The following MAP3K14 variants were observed in gnomAD, a reference collection of about 807,000 sequenced individuals.
MAP3K14 encodes the protein NF-kappa-beta-inducing kinase.
A neutral mutation model predicts 99.2 loss-of-function variants in MAP3K14; 16 were observed. The observed-to-expected ratio is 0.16, with a 90% CI of 0.11 to 0.24. The LOEUF (loss-of-function observed/expected upper bound fraction) is 0.24, where lower values mean the gene tolerates loss of function less well. MAP3K14 is among the 10% of genes least tolerant of loss of function. The probability of loss-of-function intolerance (pLI) is 1.00; values close to 1 mark genes in which losing one functional copy is unlikely to be tolerated. For missense variants in MAP3K14, 784 were observed against 1,208.7 expected (o/e 0.65, Z 5.21); for synonymous variants, 462 against 492.4 (o/e 0.94, Z 0.82).
Position 45,273,425 on chromosome 17 carries a change from A to G in MAP3K14, c.1657+78T>C, listed in dbSNP as rs889201775. On this transcript the variant is annotated intron_variant, in intron 9 of 15. Transcript: ENST00000344686. ...GGTGGACCTAAGTGTTCACACCTCA[A>G]TTCCCATTCTGGAAAGCATGGAAGG... 3.5e-6 allele frequency: 4 copies of G among 1,135,358 alleles called. No individual in the cohort carries two copies. The African/African-American group carries it at 4.6e-5, about 13-fold the overall frequency. The allele number at this position is 1,135,358 out of a possible 1,614,324, so 70.3% of individuals were successfully genotyped here. A position where few individuals can be genotyped will look rare whatever the true frequency, so the allele number is the denominator to read the frequency against.
chr17:45,275,563 G>A (rs2044173581), intron 6 of MAP3K14, among the ~76,000 whole-genome samples: 1 of 151,342 alleles, frequency 6.6e-6, no homozygotes, highest in Admixed American at 6.6e-5. Flanking sequence ...CCTGGCTGCT[G>A]GCACGCTGTC....
intron 1 of MAP3K14, among the ~76,000 whole-genome samples, chr17:45,294,295 T>C (rs1310814437): frequency 6.6e-6 from 1 of 152,350 alleles, no homozygotes; most frequent in Admixed American, 6.5e-5. Flanking sequence ...TGAGGCCTGA[T>C]GCACAGACAC....
chr17:45,275,465 A>G (rs1316126128), intron 6 of MAP3K14, among the ~76,000 whole-genome samples: 1 of 141,090 alleles, frequency 7.1e-6, no homozygotes, highest in Non-Finnish European at 1.5e-5. Context: ...GTCTGGCGAC[A>G]GAGTGAGACT....
At chr17:45,283,626 G>A (rs968099198) in intron 6 of MAP3K14, among the ~76,000 whole-genome samples, 1 of 152,178 alleles carries the variant, frequency 6.6e-6, no homozygotes, top group East Asian at 1.9e-4. Flanking sequence ...TTTGTGCTCT[G>A]GCTACAGTGA....
intron 1 of MAP3K14, among the ~76,000 whole-genome samples, chr17:45,294,146 C>T (rs1019149246): frequency 2.0e-5 from 3 of 152,250 alleles, no homozygotes; most frequent in Non-Finnish European, 4.4e-5. Flanking sequence ...TATTCACGCC[C>T]CAAAGGCATT....
chr17:45,316,455 T>C (rs2044533701), intron 1 of MAP3K14, among the ~76,000 whole-genome samples: 1 of 152,216 alleles, frequency 6.6e-6, no homozygotes, highest in South Asian at 2.1e-4. Context: ...ACTGCCCCGC[T>C]GCATGCTGAG....
chr17:45,301,734 C>G (rs568389871), intron 1 of MAP3K14, among the ~76,000 whole-genome samples: 1 of 151,828 alleles, frequency 6.6e-6, no homozygotes, highest in South Asian at 2.1e-4. Context: ...AGCAATGGTT[C>G]TCTTTTGGTG....
In MAP3K14 at chr17:45,270,462, G is replaced by A. The variant is rs753251206; in HGVS notation, c.1923C>T (p.Arg641=). The change falls in exon 11 of 16, where the codon CGC becomes CGT. Residue 641 remains arginine (R), a synonymous_variant. Coordinates refer to ENST00000344686, the MANE Select transcript of MAP3K14 (RefSeq NM_003954.5). ...TCCCTCCCAGCTCCGCTGCAGACACGCGGTGGATGGGCTCTTTCCTCAGCC... is the reference window on the plus strand; with the variant it reads ...TCCCTCCCAGCTCCGCTGCAGACACACGGTGGATGGGCTCTTTCCTCAGCC... ...QEGLRKEPIH[R]VSAAELGGKV... 34 of 1,612,026 alleles carry A rather than the reference G, an allele frequency of 2.1e-5. No individual in the cohort carries two copies. Among genetic ancestry groups the A allele is most frequent in the East Asian group, 8.9e-5 (4 of 44,760 alleles).
chr17:45,304,786 C>T (rs1406022316), intron 1 of MAP3K14, among the ~76,000 whole-genome samples: 3 of 152,180 alleles, frequency 2.0e-5, no homozygotes, highest in Non-Finnish European at 2.9e-5. Context: ...GACAGGATGG[C>T]CTTGGAGTCA....
At chr17:45,288,373 A>G (rs1286435636) in intron 3 of MAP3K14, among the ~76,000 whole-genome samples, 3 of 124,082 alleles carry the variant, frequency 2.4e-5, no homozygotes, top group Admixed American at 1.9e-4. Context: ...TCTAGCTTGA[A>G]CTCTTGTTTT....
chr17:45,285,910 C>T lies in MAP3K14; in HGVS notation c.1152+521G>A, dbSNP rs1034336701. Among the ~76,000 whole-genome samples, 7 of 147,510 alleles carry T rather than the reference C, an allele frequency of 4.7e-5. 1 individual carries two copies. The highest frequency in any genetic ancestry group is 4.1e-4 in the Admixed American group (6 of 14,652). On this transcript the variant is annotated intron_variant, in intron 5 of 15. Coordinates refer to ENST00000344686, the MANE Select transcript of MAP3K14 (RefSeq NM_003954.5). ...GAGGCTGTAGTGAGCTATGATTGTACGACTGCACTCCAGCCTGGGTGACAG... is the reference window on the plus strand; with the variant it reads ...GAGGCTGTAGTGAGCTATGATTGTATGACTGCACTCCAGCCTGGGTGACAG...
At chr17:45,295,972 G>A (rs1165414759) in intron 1 of MAP3K14, among the ~76,000 whole-genome samples, 1 of 152,164 alleles carries the variant, frequency 6.6e-6, no homozygotes, top group Non-Finnish European at 1.5e-5. Flanking sequence ...ATACACGAAA[G>A]GGAAATAAAA....
chr17:45,304,752 TGAG>T (rs1262728867), intron 1 of MAP3K14, among the ~76,000 whole-genome samples: 3 of 152,304 alleles, frequency 2.0e-5, no homozygotes, highest in Middle Eastern at 3.4e-3. Context: ...TTACTAATCC[TGAG>T]GAATGGCCAT....
chr17:45,273,541 C>T lies in MAP3K14; in HGVS notation c.1619G>A (p.Cys540Tyr). The T allele has an allele frequency of 6.2e-7, 1 of 1,613,444 alleles. No homozygotes were observed. The highest frequency in any genetic ancestry group is 8.5e-7 in the Non-Finnish European group (1 of 1,179,658). Reference sequence around the variant, plus strand: ...CTTTCCCAGGCCATCAGGTTGAAGACACACAGCATGGCCAAAGTCACAGAG... The same window carrying T: ...CTTTCCCAGGCCATCAGGTTGAAGATACACAGCATGGCCAAAGTCACAGAG... The part of the protein sequence containing the change: ...AALCDFGHAV[C>Y]LQPDGLGKSL... Residue 540 changes from cysteine to tyrosine, a missense_variant, in exon 9 of 16, where the codon TGT becomes TAT. Cys to Tyr is a radical substitution (Grantham distance 194). Transcript: ENST00000344686.
rs904572245 is a variant in MAP3K14, at chr17:45,272,697, T to C, written c.1657+806A>G. On this transcript the variant is annotated intron_variant, in intron 9 of 15. Transcript: ENST00000344686. This position sits in a 1 kb window ranked among gnomAD's most constrained non-coding sequence, Gnocchi z 4.1. ...GCTCATGCCTGTAATTCCAGCACTTTGGGAGGCTGAGTGGGGCGGATCACC... is the reference window on the plus strand; with the variant it reads ...GCTCATGCCTGTAATTCCAGCACTTCGGGAGGCTGAGTGGGGCGGATCACC... Among the ~76,000 whole-genome samples the C allele has an allele frequency of 2.6e-5, 4 of 152,168 alleles. No homozygotes were observed. The highest frequency in any genetic ancestry group is 5.9e-5 in the Non-Finnish European group (4 of 68,026).
chr17:45,291,424 C>T lies in MAP3K14; in HGVS notation c.-20-659G>A, dbSNP rs1462793392. Among the ~76,000 whole-genome samples the T allele has an allele frequency of 3.3e-5, 5 of 152,188 alleles. No homozygotes were observed. The East Asian group carries it at 5.8e-4, about 18-fold the overall frequency. ...CCAGAAGGAACTAACATGCTTCCTC[C>T]TCTAATGTCCAAACTCATTGGCTGA... On this transcript the variant is annotated intron_variant, in intron 1 of 15. Coordinates refer to ENST00000344686, the MANE Select transcript of MAP3K14 (RefSeq NM_003954.5).
intron 6 of MAP3K14, among the ~76,000 whole-genome samples, chr17:45,283,097 A>G (rs1229088165): frequency 6.6e-6 from 1 of 152,252 alleles, no homozygotes. Flanking sequence ...CTCTTCCACT[A>G]TATTAGGGTT....
rs1374011381 is a variant in MAP3K14 at position 45,271,040 on chromosome 17, C to T, written c.1821+18G>A. The stretch of plus-strand genomic sequence containing the variant: ...CCTGCAGCTCCCCCTGTTGGCCATG[C>T]TGGGTGCCGTCACCGACCTTGAGGC... On this transcript the variant is annotated intron_variant, in intron 10 of 15. Transcript: ENST00000344686. 2.5e-6 allele frequency: 4 copies of T among 1,608,832 alleles called. No individual in the cohort carries two copies. The highest frequency in any genetic ancestry group is 1.3e-5 in the African/African-American group (1 of 74,958).
chr17:45,271,200 T>G lies in MAP3K14; in HGVS notation c.1679A>C (p.Glu560Ala). Residue 560 changes from glutamate (E) to alanine (A), a missense_variant, in exon 10 of 16, where the codon GAG (glutamate) becomes GCG (alanine). Transcript: ENST00000344686. Reference protein sequence around the residue: ...LLTGDYIPGTETHMAPEVVLG... With the variant: ...LLTGDYIPGTATHMAPEVVLG... ...CACCACCTCCGGAGCCATGTGGGTCTCTGTGCCAGGGATGTAGTCCCCTGA... is the reference window on the plus strand; with the variant it reads ...CACCACCTCCGGAGCCATGTGGGTCGCTGTGCCAGGGATGTAGTCCCCTGA... The G allele has an allele frequency of 6.2e-7, 1 of 1,611,514 alleles. No individual in the cohort carries two copies. The highest frequency in any genetic ancestry group is 8.5e-7 in the Non-Finnish European group (1 of 1,179,256).
Sources: allele counts gnomAD v4.1 joint callset (sites outside exome capture counted in the v4.1 genomes callset), GRCh38; gene constraint gnomAD v4.1.1; non-coding constraint Gnocchi (gnomAD v3.1); transcripts MANE v1.5; gene names NCBI Gene and HGNC (gene_info 2026-07-23, HGNC 2026-07-21).